ANO7: variants seen among roughly 807,000 people sequenced by gnomAD.
The protein encoded by ANO7 is anoctamin 7, also known as anoctamin-7.
A neutral mutation model predicts 115.8 loss-of-function variants in ANO7; 114 were observed. That is an observed-to-expected ratio of 0.98 (90% CI 0.85 to 1.15). The LOEUF (loss-of-function observed/expected upper bound fraction) is 1.15, where lower values mean the gene tolerates loss of function less well. ANO7 is among the 50% of genes most tolerant of loss of function. ANO7 has a pLI of 0.00. For synonymous variants in ANO7, 550 were observed against 498.2 expected, an observed-to-expected ratio of 1.10 and a Z score of -1.38; for missense variants, 1,302 against 1,201.2, an observed-to-expected ratio of 1.08 and a Z score of -1.24.
rs1367882770 is a variant in ANO7, at chr2:241,203,960, C to G, written c.889+462C>G. 6.6e-6 allele frequency among the ~76,000 whole-genome samples: 1 copy of G among 152,208 alleles called. No individual in the cohort carries two copies. The highest frequency in any genetic ancestry group is 2.4e-5 in the African/African-American group (1 of 41,454). On this transcript the variant is annotated intron_variant, in intron 9 of 24. Coordinates refer to ENST00000674324, the MANE Select transcript of ANO7 (RefSeq NM_001370694.2). The surrounding 1 kb of genome is among the most constrained non-coding windows in gnomAD (Gnocchi z 4.8). The stretch of plus-strand genomic sequence containing the variant: ...CCCCACTCAGCTCTTGGCACCCTCC[C>G]TTCCCCATCCTGGGTCAGACCCAAC...
At chr2:241,204,089 C>T (rs536561582) in intron 9 of ANO7, among the ~76,000 whole-genome samples, 4 of 152,304 alleles carry the variant, frequency 2.6e-5, no homozygotes, top group East Asian at 3.9e-4. Context: ...CGGGCGGGGC[C>T]GGCAGGCATG....
intron 4 of ANO7, among the ~76,000 whole-genome samples, chr2:241,197,097 C>CTTGT (rs748209672): frequency 1.9e-4 from 29 of 152,180 alleles, no homozygotes; most frequent in African/African-American, 4.8e-4. Context: ...GGTTTGTGTG[C>CTTGT]TTGTTTGTTT....
chr2:241,214,976 C>T, intron 18 of ANO7, 74 bp downstream of exon 18: 2 of 1,351,688 alleles, frequency 1.5e-6, no homozygotes, highest in Non-Finnish European at 2.0e-6. Flanking sequence ...TAGCAGCCTC[C>T]AGCCCGGCCC....
Position 241,204,961 on chromosome 2 carries a change from T to C in ANO7, c.980+6T>C, listed in dbSNP as rs780431155. On this transcript the variant is annotated splice_donor_region_variant and intron_variant, in intron 10 of 24. Transcript: ENST00000674324. ...GTGTTCTCAGACATACCCACGTGAG[T>C]GTTCCCTCTCCGCAGCTCTGGGGCC... is the stretch of plus-strand genomic sequence containing the variant. 12 of 1,613,520 alleles carry C rather than the reference T, an allele frequency of 7.4e-6. 1 individual carries two copies. The South Asian group carries it at 1.2e-4, about 16-fold the overall frequency.
At chr2:241,207,733 T>C (rs1454634862) in intron 11 of ANO7, 63 bp downstream of exon 11, 3 of 1,493,148 alleles carry the variant, frequency 2.0e-6, no homozygotes, top group Non-Finnish European at 1.9e-6. Context: ...GCAGCTCCCC[T>C]TGTCCTGGTC....
chr2:241,218,507 G>T lies in ANO7; in HGVS notation c.2321+126G>T, dbSNP rs966515995. ...CGGGCGCCGCCGGGCAAGGCCGGGG[G>T]AGGGGGGGAGCTGGGGGCGCCGTGG... On this transcript the variant is annotated intron_variant, in intron 21 of 24. Coordinates refer to ENST00000674324, the MANE Select transcript of ANO7 (RefSeq NM_001370694.2). The T allele has an allele frequency of 9.8e-5, 77 of 785,830 alleles. No homozygotes were observed. In the African/African-American group the frequency reaches 1.3e-3, roughly 13 times the overall value. 48.7% of individuals were successfully genotyped at this position (785,830 alleles called of 1,614,324 possible).
chr2:241,229,717 G>C, downstream of ANO7: 3 of 1,612,484 alleles, frequency 1.9e-6, no homozygotes, highest in East Asian at 6.7e-5. Flanking sequence ...GGCTTCAGGA[G>C]GGGATGCTCC....
At chr2:241,213,584 C>A (rs560909221) in intron 17 of ANO7, among the ~76,000 whole-genome samples, 1 of 152,262 alleles carries the variant, frequency 6.6e-6, no homozygotes, top group East Asian at 1.9e-4. Flanking sequence ...GTAGAGAAGC[C>A]CTCAAAACTG....
At chr2:241,238,818 A>T in the ANO7 span, 1 of 1,470,200 alleles carries the variant, frequency 6.8e-7, no homozygotes, top group Non-Finnish European at 9.1e-7. The surrounding 1 kb of genome is among the most constrained non-coding windows in gnomAD (Gnocchi z 4.9). Context: ...AAAAAAGAAA[A>T]GAGCAAAGAT....
intron 18 of ANO7, among the ~76,000 whole-genome samples, chr2:241,215,210 G>A (rs1418058480): frequency 1.3e-5 from 2 of 152,236 alleles, no homozygotes; most frequent in Non-Finnish European, 2.9e-5. Flanking sequence ...GGCTCTGTCC[G>A]TTCAGAGATG....
chr2:241,194,379 A>G (rs1261588185), intron 3 of ANO7, among the ~76,000 whole-genome samples: 1 of 145,590 alleles, frequency 6.9e-6, no homozygotes, highest in Non-Finnish European at 1.5e-5. Flanking sequence ...CAGTGGCGTG[A>G]TCTCAGCTCA....
chr2:241,231,715 G>C, the ANO7 span, among the ~76,000 whole-genome samples: 1 of 152,072 alleles, frequency 6.6e-6, no homozygotes, highest in Non-Finnish European at 1.5e-5. Flanking sequence ...CCTTCCTTGG[G>C]CCACACAAAT....
At chr2:241,194,377 T>C (rs2068274222) in intron 3 of ANO7, among the ~76,000 whole-genome samples, 1 of 150,344 alleles carries the variant, frequency 6.7e-6, no homozygotes, top group Non-Finnish European at 1.5e-5. Flanking sequence ...TGCAGTGGCG[T>C]GATCTCAGCT....
intron 15 of ANO7, among the ~76,000 whole-genome samples, chr2:241,211,579 G>A (rs2068721291): frequency 6.6e-6 from 1 of 152,208 alleles, no homozygotes; most frequent in Non-Finnish European, 1.5e-5. Flanking sequence ...CCAGGGGAAG[G>A]TGGGTGTCAG....
downstream of ANO7, chr2:241,229,958 C>T (rs1350547252): frequency 1.3e-6 from 2 of 1,596,574 alleles, no homozygotes; most frequent in Middle Eastern, 1.7e-4. Context: ...ACCACGTCAG[C>T]TAGCTGCAGG....
chr2:241,208,977 G>A (rs1036637885), intron 11 of ANO7, among the ~76,000 whole-genome samples: 10 of 152,016 alleles, frequency 6.6e-5, no homozygotes, highest in South Asian at 6.2e-4. Flanking sequence ...GTGAAACCTC[G>A]TCTCTACTAA....
At position 241,195,824 on chromosome 2, in the gene ANO7, G is replaced by A. The variant is rs757618901; in HGVS notation, c.288G>A (p.Ala96=). The change falls in exon 4 of 25, where the codon GCG becomes GCA. Residue 96 remains alanine, a synonymous_variant. Coordinates refer to ENST00000674324, the MANE Select transcript of ANO7 (RefSeq NM_001370694.2). ...AGACTTTTCTGGATAATCTTCGTGCGGCTGGGCTGTGTGTAGACCAGGTAC... is the reference window on the plus strand; with the variant it reads ...AGACTTTTCTGGATAATCTTCGTGCAGCTGGGCTGTGTGTAGACCAGGTAC... ...WRETFLDNLR[A]AGLCVDQQDV... The A allele has an allele frequency of 2.5e-5, 40 of 1,614,110 alleles. No homozygotes were observed. Among genetic ancestry groups the A allele is most frequent in the South Asian group, 2.0e-4 (18 of 91,086 alleles).
chr2:241,230,596 G>T (rs1415786605), downstream of ANO7, among the ~76,000 whole-genome samples: 1 of 152,212 alleles, frequency 6.6e-6, no homozygotes, highest in Non-Finnish European at 1.5e-5. The surrounding 1 kb of genome is among the most constrained non-coding windows in gnomAD (Gnocchi z 5.0). Context: ...ACAGGCCGTC[G>T]CCTGCACTGA....
At chr2:241,226,366 T>TTAC (rs773101700), downstream of ANO7, among the ~76,000 whole-genome samples, 14 of 152,136 alleles carry the variant, frequency 9.2e-5, 1 homozygote, top group Non-Finnish European at 1.6e-4. Flanking sequence ...GTTGTGTGCT[T>TTAC]TGCTGTGGGT....
Sources: gnomAD v4.1 joint callset for allele counts (sites outside exome capture counted in the v4.1 genomes callset) on GRCh38, gnomAD v4.1.1 for gene constraint, Gnocchi (gnomAD v3.1) non-coding constraint, MANE v1.5 for transcripts, NCBI Gene and HGNC (gene_info 2026-07-23, HGNC 2026-07-21) for gene names.